Variants in LRP1 observed in about 807,000 individuals in gnomAD.
LRP1 encodes LDL receptor related protein 1.
Under a neutral mutation model 541.5 loss-of-function variants are expected in LRP1, and 51 were observed. That is an observed-to-expected ratio of 0.09 (90% confidence interval 0.08 to 0.12). The LOEUF (loss-of-function observed/expected upper bound fraction) is 0.12, where lower values mean the gene tolerates loss of function less well. Ranked by LOEUF, LRP1 falls within the 10% of genes least tolerant of loss-of-function variation. The probability of loss-of-function intolerance (pLI) is 1.00; values close to 1 mark genes in which losing one functional copy is unlikely to be tolerated. For synonymous variants in LRP1, 2,219 were observed against 2,470.8 expected (o/e 0.90, Z 3.02); for missense variants, 3,878 against 6,376.2 (o/e 0.61, Z 13.34).
Position 57,154,245 on chromosome 12 carries a change from C to G in LRP1, c.879C>G (p.Asn293Lys). Residue 293 changes from asparagine to lysine, a missense_variant, in exon 7 of 89, where the codon AAC becomes AAG. Asn to Lys is a moderately conservative substitution (Grantham distance 94). This residue lies in a region of LRP1 where 293 missense variants were observed against 403.7 expected (regional missense o/e 0.73). Coordinates refer to ENST00000243077, the MANE Select transcript of LRP1 (RefSeq NM_002332.3). The surrounding 1 kb of genome is among the most constrained non-coding windows in gnomAD (Gnocchi z 4.6). Reference sequence around the variant, plus strand: ...TGGCCATCGACTGGCTGACAGGCAACTTCTACTTTGTGGATGACATCGATG... The same window carrying G: ...TGGCCATCGACTGGCTGACAGGCAAGTTCTACTTTGTGGATGACATCGATG... ...EQMAIDWLTGNFYFVDDIDDR... is the reference protein window; with the variant it reads ...EQMAIDWLTGKFYFVDDIDDR... 6.2e-7 allele frequency: 1 copy of G among 1,614,218 alleles called. No homozygotes were observed. The highest frequency in any genetic ancestry group is 8.5e-7 in the Non-Finnish European group (1 of 1,180,026).
intron 15 of LRP1, 63 bp downstream of exon 15, chr12:57,163,046 G>A (rs1383502523): frequency 2.6e-6 from 4 of 1,527,296 alleles, no homozygotes; most frequent in South Asian, 2.4e-5. Flanking sequence ...GCCGAAGAGT[G>A]GGGAGGGGAG....
At chr12:57,137,333 G>T (rs772794919) in intron 1 of LRP1, among the ~76,000 whole-genome samples, 3 of 151,526 alleles carry the variant, frequency 2.0e-5, no homozygotes, top group Non-Finnish European at 4.4e-5. Flanking sequence ...AGTGGAAGAA[G>T]CCTGATTGGG....
rs758792312 is a variant in LRP1, at chr12:57,161,027, G to A, written c.2114G>A (p.Ser705Asn). 10 of 1,614,014 alleles carry A rather than the reference G, an allele frequency of 6.2e-6. 1 individual carries two copies. The South Asian group carries it at 1.1e-4, about 18-fold the overall frequency. ...ACAGTGCTTTGGCCCAATGGGCTAA[G>A]CCTGGACATCCCGGCTGGGCGCCTC... ...SKTVLWPNGL[S>N]LDIPAGRLYW... The change falls in exon 13 of 89, where the codon AGC becomes AAC. Residue 705 changes from serine (S) to asparagine (N), a missense_variant. Physicochemically the swap from Ser to Asn is conservative, Grantham distance 46 (BLOSUM62 1). Transcript: ENST00000243077.
rs776830515 is a variant in LRP1, at chr12:57,195,810, C to T, written c.8560+30C>T. The T allele has an allele frequency of 1.9e-6, 3 of 1,614,062 alleles. No individual in the cohort carries two copies. In the South Asian group the frequency reaches 3.3e-5, roughly 18 times the overall value. The stretch of plus-strand genomic sequence containing the variant: ...GCCTTCGGCGGTGGTGGGAGGAGGC[C>T]CTGCCCTCTGCCGGGCCAGGGCATC... On this transcript the variant is annotated intron_variant, in intron 53 of 88. Transcript: ENST00000243077.
In LRP1 at chr12:57,173,771, G is replaced by A. The variant is rs1180808168; in HGVS notation, c.3347-9G>A. The A allele has an allele frequency of 6.2e-7, 1 of 1,613,762 alleles. No individual in the cohort carries two copies. ...GGGCCTGGGCCCTCATAGTGCACCT[G>A]TCCCTCAGCTCGGTGCATCAGCAAA... On this transcript the variant is annotated splice_polypyrimidine_tract_variant and intron_variant, in intron 21 of 88. Transcript: ENST00000243077. The surrounding 1 kb of genome is among the most constrained non-coding windows in gnomAD (Gnocchi z 4.7).
At position 57,210,847 on chromosome 12, in the gene LRP1, T is replaced by G. The variant is rs867685724; in HGVS notation, c.12884T>G (p.Leu4295Arg). Residue 4295 changes from leucine to arginine, a missense_variant, in exon 83 of 89, where the codon CTA becomes CGA. Transcript: ENST00000243077. ...GGCAACCAGCCCCAGTGCCGATGCC[T>G]ACCCGGCTTCCTGGGCGACCGCTGC... is the stretch of plus-strand genomic sequence containing the variant. Reference protein sequence around the residue: ...NQGNQPQCRCLPGFLGDRCQY... With the variant: ...NQGNQPQCRCRPGFLGDRCQY... 1 of 1,612,728 alleles carries G rather than the reference T, an allele frequency of 6.2e-7. No individual in the cohort carries two copies. Among genetic ancestry groups the G allele is most frequent in the Admixed American group, 1.7e-5 (1 of 60,004 alleles).
Position 57,209,161 on chromosome 12 carries a change from A to G in LRP1, c.12224A>G (p.Asn4075Ser). Residue 4075 changes from asparagine (N) to serine (S), a missense_variant, in exon 79 of 89, where the codon AAT becomes AGT. Physicochemically the swap from Asn to Ser is conservative, Grantham distance 46. This residue lies in a region of LRP1 where 871 missense variants were observed against 1,212.4 expected (regional missense o/e 0.72). Coordinates refer to ENST00000243077, the MANE Select transcript of LRP1 (RefSeq NM_002332.3). ...KLSVIGSIRL[N>S]GTDPIVAADS... ...TCAGTCATCGGCAGCATCCGGCTCA[A>G]TGGCACGGACCCCATTGTGGCTGCT... 1.2e-6 allele frequency: 2 copies of G among 1,614,080 alleles called. No homozygotes were observed. Among genetic ancestry groups the G allele is most frequent in the Non-Finnish European group, 1.7e-6 (2 of 1,180,004 alleles).
In LRP1 at chr12:57,211,264, G is replaced by C. The variant is rs1159363971; in HGVS notation, c.13005G>C (p.Glu4335Asp). The C allele has an allele frequency of 1.9e-6, 3 of 1,614,230 alleles. No individual in the cohort carries two copies. Among genetic ancestry groups the C allele is most frequent in the Non-Finnish European group, 2.5e-6 (3 of 1,180,048 alleles). The change falls in exon 84 of 89, where the codon GAG (glutamate) becomes GAC (aspartate). Residue 4335 changes from glutamate (E) to aspartate (D), a missense_variant. Glu to Asp is a conservative substitution (Grantham distance 45). Coordinates refer to ENST00000243077, the MANE Select transcript of LRP1 (RefSeq NM_002332.3). This position sits in a 1 kb window ranked among gnomAD's most constrained non-coding sequence, Gnocchi z 4.3. ...AATGCCGCTGCACTGCCTACTTTGA[G>C]GGATCGAGGTGTGAGGTGAACAAGT... ...SRQCRCTAYF[E>D]GSRCEVNKCS...
At chr12:57,150,187 TTC>T (rs1377037423) in intron 6 of LRP1, 4 of 77,406 alleles carry the variant, frequency 5.2e-5, no homozygotes, top group Non-Finnish European at 9.9e-5. Context: ...GAAAACTTCC[TTC>T]TTTTTTTTTT....
intron 42 of LRP1, among the ~76,000 whole-genome samples, chr12:57,188,926 A>G (rs1460817043): frequency 6.6e-6 from 1 of 152,112 alleles, no homozygotes; most frequent in Non-Finnish European, 1.5e-5. Context: ...AGCTGGCAGG[A>G]GGGGCCCTCC....
Position 57,187,325 on chromosome 12 carries a change from A to G in LRP1, c.6900A>G (p.Thr2300=), listed in dbSNP as rs1269686323. 6.2e-7 allele frequency: 1 copy of G among 1,614,052 alleles called. No individual in the cohort carries two copies. Among genetic ancestry groups the G allele is most frequent in the African/African-American group, 1.3e-5 (1 of 74,914 alleles). The change falls in exon 42 of 89, where the codon ACA becomes ACG. Residue 2300 remains threonine (T), a synonymous_variant. Coordinates refer to ENST00000243077, the MANE Select transcript of LRP1 (RefSeq NM_002332.3). ...YHRGWDTLYW[T]SYTTSTITRH... ...GTGGCTGGGACACTCTCTATTGGAC[A>G]AGCTACACGACATCCACCATCACGC...
At chr12:57,203,983 G>A (rs1268846237) in intron 70 of LRP1, 7 of 195,266 alleles carry the variant, frequency 3.6e-5, no homozygotes, top group African/African-American at 1.4e-4. Flanking sequence ...ACTGGGCCTT[G>A]GAGCGGAAAT....
rs1434030530 is a variant in LRP1, at chr12:57,128,689, G to A, written c.-276G>A. Reference sequence around the variant, plus strand: ...GATGGGGCTGTGAGCTTCGCCCGGGGAGGGGGAAAGAGCAGCGAGGAGTGA... The same window carrying A: ...GATGGGGCTGTGAGCTTCGCCCGGGAAGGGGGAAAGAGCAGCGAGGAGTGA... On this transcript the variant is annotated 5_prime_UTR_variant, in exon 1 of 89. Transcript: ENST00000243077. The A allele has an allele frequency of 1.2e-5, 5 of 413,038 alleles. No homozygotes were observed. The highest frequency in any genetic ancestry group is 4.1e-5 in the Admixed American group (1 of 24,338). The allele number at this position is 413,038 out of a possible 1,614,324, so 25.6% of individuals were successfully genotyped here. A position where few individuals can be genotyped will look rare whatever the true frequency, so the allele number is the denominator to read the frequency against.
chr12:57,153,229 G>C (rs1057178105), intron 6 of LRP1, among the ~76,000 whole-genome samples: 1 of 152,072 alleles, frequency 6.6e-6, no homozygotes, highest in South Asian at 2.1e-4. Flanking sequence ...TAGATGGAAG[G>C]AAGCCAGTGG....
chr12:57,170,852 A>G (rs868261052), intron 20 of LRP1, among the ~76,000 whole-genome samples: 7 of 151,972 alleles, frequency 4.6e-5, no homozygotes, highest in African/African-American at 1.7e-4. Context: ...CTACAGACCA[A>G]ACTCTTCCTG....
chr12:57,205,542 T>G lies in LRP1; in HGVS notation c.11471-16T>G, dbSNP rs1397749155. On this transcript the variant is annotated splice_polypyrimidine_tract_variant and intron_variant, in intron 74 of 88. Transcript: ENST00000243077. This position sits in a 1 kb window ranked among gnomAD's most constrained non-coding sequence, Gnocchi z 4.6. The stretch of plus-strand genomic sequence containing the variant: ...CCCCAACTGTGGACTCTCATGACCC[T>G]CCCTGTAACCCTTAGACATCAACGA... 2 of 1,613,806 alleles carry G rather than the reference T, an allele frequency of 1.2e-6. No individual in the cohort carries two copies. The highest frequency in any genetic ancestry group is 2.2e-5 in the South Asian group (2 of 91,082).
rs1483168150 is a variant in LRP1, at chr12:57,201,027, T to C, written c.10226-7T>C. On this transcript the variant is annotated splice_region_variant and splice_polypyrimidine_tract_variant and intron_variant, in intron 64 of 88. Coordinates refer to ENST00000243077, the MANE Select transcript of LRP1 (RefSeq NM_002332.3). This position sits in a 1 kb window ranked among gnomAD's most constrained non-coding sequence, Gnocchi z 6.4. ...TCGCCACGAATCACCTCCTCCTCCC[T>C]CCACAGACATCCACGTCTGCTTGCC... The C allele has an allele frequency of 1.9e-6, 3 of 1,613,890 alleles. No individual in the cohort carries two copies. Among genetic ancestry groups the C allele is most frequent in the Admixed American group, 3.3e-5 (2 of 59,996 alleles).
intron 6 of LRP1, among the ~76,000 whole-genome samples, chr12:57,152,029 G>A (rs1158846423): frequency 1.3e-5 from 2 of 152,158 alleles, no homozygotes; most frequent in Non-Finnish European, 2.9e-5. Context: ...CCTTTGGGGA[G>A]GTGGAAGGGA....
Position 57,138,489 on chromosome 12 carries a change from C to T in LRP1, c.98C>T (p.Ala33Val), listed in dbSNP as rs924362322. 1.2e-6 allele frequency: 2 copies of T among 1,613,960 alleles called. No individual in the cohort carries two copies. The highest frequency in any genetic ancestry group is 1.3e-5 in the African/African-American group (1 of 74,926). ...AAGACTTGCAGCCCCAAGCAGTTTG[C>T]CTGCAGAGATCAAATAACCTGTATC... Reference protein sequence around the residue: ...APKTCSPKQFACRDQITCISK... With the variant: ...APKTCSPKQFVCRDQITCISK... The change falls in exon 2 of 89, where the codon GCC becomes GTC. Residue 33 changes from alanine to valine, a missense_variant. Physicochemically the swap from Ala to Val is moderately conservative, Grantham distance 64. Coordinates refer to ENST00000243077, the MANE Select transcript of LRP1 (RefSeq NM_002332.3).
Sources: allele counts gnomAD v4.1 joint callset (sites outside exome capture counted in the v4.1 genomes callset), GRCh38; gene constraint gnomAD v4.1.1; regional missense constraint gnomAD v4.1.1; non-coding constraint Gnocchi (gnomAD v3.1); transcripts MANE v1.5; gene names NCBI Gene and HGNC (gene_info 2026-07-23, HGNC 2026-07-21).